Variants in FMN1 observed in about 807,000 individuals in gnomAD.
The protein encoded by FMN1 is formin 1.
A neutral mutation model predicts 132.4 loss-of-function variants in FMN1; 110 were observed. That is an observed-to-expected ratio of 0.83 (90% CI 0.71 to 0.97). The LOEUF is 0.97. Among genes scored for constraint, FMN1 ranks in the 50% least tolerant of loss-of-function variants. The probability of loss-of-function intolerance (pLI) is 0.00; values close to 1 mark genes in which losing one functional copy is unlikely to be tolerated. For synonymous variants in FMN1, 722 were observed against 651.7 expected (o/e 1.11, Z -1.64); for missense variants, 1,792 against 1,705.3 (o/e 1.05, Z -0.90).
intron 16 of FMN1, among the ~76,000 whole-genome samples, chr15:32,878,738 G>A (rs963845244): frequency 1.3e-5 from 2 of 152,146 alleles, no homozygotes; most frequent in African/African-American, 4.8e-5. Flanking sequence ...GGGTTACAAA[G>A]CTTGTGAAGC....
intron 6 of FMN1, among the ~76,000 whole-genome samples, chr15:33,056,511 T>C (rs1432209355): frequency 1.3e-5 from 2 of 152,204 alleles, no homozygotes; most frequent in Admixed American, 6.5e-5. Context: ...GTTTGAACAG[T>C]AGGCCCCCTT....
chr15:33,034,367 G>A (rs1050128678), intron 6 of FMN1, among the ~76,000 whole-genome samples: 1 of 152,006 alleles, frequency 6.6e-6, no homozygotes, highest in African/African-American at 2.4e-5. Flanking sequence ...TTGAGCCTAG[G>A]AGTTTGAGAC....
In FMN1 at chr15:33,084,193, G is replaced by T. The variant is rs551058750; in HGVS notation, c.2043+4606C>A. Among the ~76,000 whole-genome samples, 8 of 152,264 alleles carry T rather than the reference G, an allele frequency of 5.3e-5. No homozygotes were observed. In the South Asian group the frequency reaches 1.7e-3, roughly 32 times the overall value. ...ATTCTTTTATTCCTTTACTTTCTTA[G>T]TAAACCTGCTTTTACTTTATGGACT... On this transcript the variant is annotated intron_variant, in intron 5 of 20. Transcript: ENST00000616417.
chr15:33,043,159 TGAGC>T (rs770586150), intron 6 of FMN1, among the ~76,000 whole-genome samples: 41,035 of 152,092 alleles, frequency 0.27, 5,713 homozygotes, highest in Non-Finnish European at 0.3. Flanking sequence ...TTTGAGAAGC[TGAGC>T]AGCGAGCCAT....
chr15:33,150,176 A>G (rs1318171037), intron 4 of FMN1: 1 of 985,342 alleles, frequency 1.0e-6, no homozygotes, highest in Non-Finnish European at 1.2e-6. Flanking sequence ...TGGCACTAAA[A>G]GGGTTTACTT....
chr15:33,017,706 A>C (rs2035140202), intron 6 of FMN1, among the ~76,000 whole-genome samples: 1 of 152,210 alleles, frequency 6.6e-6, no homozygotes, highest in Non-Finnish European at 1.5e-5. Flanking sequence ...GATGGGGGGA[A>C]ACTTCTAATT....
At chr15:33,165,061 CG>C (rs1429543553) in intron 3 of FMN1, among the ~76,000 whole-genome samples, 1 of 152,064 alleles carries the variant, frequency 6.6e-6, no homozygotes, top group Non-Finnish European at 1.5e-5. Flanking sequence ...TTGTACCCAC[CG>C]CCTGATTTAA....
chr15:32,856,052 A>G (rs2141285808), intron 17 of FMN1, among the ~76,000 whole-genome samples: 1 of 152,334 alleles, frequency 6.6e-6, no homozygotes, highest in Middle Eastern at 3.4e-3. Flanking sequence ...CTCTGCACCA[A>G]GGGAACAGCA....
At chr15:33,014,892 A>G (rs923232748) in intron 6 of FMN1, among the ~76,000 whole-genome samples, 3 of 152,236 alleles carry the variant, frequency 2.0e-5, no homozygotes, top group Non-Finnish European at 4.4e-5. Context: ...TTACTAAATG[A>G]GTTTACCTAA....
chr15:32,972,508 T>A (rs1361185213), intron 7 of FMN1, among the ~76,000 whole-genome samples: 1 of 152,198 alleles, frequency 6.6e-6, no homozygotes, highest in East Asian at 1.9e-4. Context: ...CACTTTTCAG[T>A]GATTTTGACC....
chr15:33,022,424 G>A (rs563717251), intron 6 of FMN1, among the ~76,000 whole-genome samples: 5 of 152,166 alleles, frequency 3.3e-5, no homozygotes, highest in Non-Finnish European at 5.9e-5. Flanking sequence ...AAGTGGACTA[G>A]TATGGATATG....
chr15:32,814,811 G>C (rs1307280369), intron 17 of FMN1, among the ~76,000 whole-genome samples: 1 of 152,152 alleles, frequency 6.6e-6, no homozygotes, highest in Non-Finnish European at 1.5e-5. Flanking sequence ...TAGCACTTGA[G>C]ACTATAAACC....
chr15:33,081,293 C>A (rs528901120), intron 5 of FMN1, among the ~76,000 whole-genome samples: 4 of 152,168 alleles, frequency 2.6e-5, no homozygotes, highest in Non-Finnish European at 5.9e-5. Context: ...ACATTTCCAA[C>A]AATATTTCAC....
chr15:33,088,487 A>C (rs1341028713), intron 5 of FMN1, among the ~76,000 whole-genome samples: 1 of 152,198 alleles, frequency 6.6e-6, no homozygotes, highest in East Asian at 1.9e-4. Flanking sequence ...GATATTAAGA[A>C]GTGACTAGCA....
Position 33,088,908 on chromosome 15 carries a change from C to G in FMN1, c.1934G>C (p.Arg645Thr). ...GCCCAGAACCCACGCGCCTCCATCT[C>G]TGTTGGGAAGGTCTTTAGGTGTCTG... is the stretch of plus-strand genomic sequence containing the variant. ...NEQTPKDLPN[R>T]DGGAWVLGYR... is the part of the protein sequence containing the mutation. Residue 645 changes from arginine (R) to threonine (T), a missense_variant, in exon 5 of 21, where the codon AGA becomes ACA. This residue lies in a region of FMN1 where 1,150 missense variants were observed against 1,043.1 expected (regional missense o/e 1.10). Transcript: ENST00000616417. 6.5e-7 allele frequency: 1 copy of G among 1,535,974 alleles called. No individual in the cohort carries two copies. Among genetic ancestry groups the G allele is most frequent in the Middle Eastern group, 1.7e-4 (1 of 5,990 alleles).
chr15:33,189,571 C>T (rs149875368), intron 2 of FMN1, among the ~76,000 whole-genome samples: 4 of 152,244 alleles, frequency 2.6e-5, no homozygotes, highest in African/African-American at 7.2e-5. Context: ...AAGCCAGGAA[C>T]GTTCTCTGTG....
chr15:33,104,009 C>T (rs1017422133), intron 4 of FMN1, among the ~76,000 whole-genome samples: 5 of 151,900 alleles, frequency 3.3e-5, no homozygotes, highest in African/African-American at 9.7e-5. Flanking sequence ...TTAACTTCAT[C>T]GGCAAAATTT....
intron 17 of FMN1, among the ~76,000 whole-genome samples, chr15:32,823,263 A>G (rs552401166): frequency 1.1e-4 from 16 of 142,962 alleles, no homozygotes; most frequent in Middle Eastern, 8.3e-3. Context: ...CTGGGTTCAC[A>G]CCATTCTCCT....
intron 6 of FMN1, among the ~76,000 whole-genome samples, chr15:33,019,693 C>G (rs867882592): frequency 9.8e-5 from 15 of 152,340 alleles, no homozygotes; most frequent in Middle Eastern, 3.4e-3. Context: ...CTGGGAGACC[C>G]GGCGCACCCT....
Sources: gnomAD v4.1 joint callset for allele counts (sites outside exome capture counted in the v4.1 genomes callset) on GRCh38, gnomAD v4.1.1 for gene constraint, gnomAD v4.1.1 regional missense constraint, MANE v1.5 for transcripts, NCBI Gene and HGNC (gene_info 2026-07-23, HGNC 2026-07-21) for gene names.